The following BARX1 variants were observed in gnomAD, a reference collection of about 807,000 sequenced individuals.
BARX1 encodes homeobox protein BarH-like 1.
In BARX1, 10 loss-of-function variants were observed where a neutral mutation model predicts 19.6. That is an observed-to-expected ratio of 0.51 (90% CI 0.31 to 0.86). BARX1 has a LOEUF of 0.86. BARX1 is among the 40% of genes least tolerant of loss of function. The pLI is 0.04. For missense variants in BARX1, 309 were observed against 360.4 expected, an observed-to-expected ratio of 0.86 and a Z score of 1.15; for synonymous variants, 177 against 170.0, an observed-to-expected ratio of 1.04 and a Z score of -0.32.
Position 93,954,939 on chromosome 9 carries a change from A to G in BARX1, c.208T>C (p.Phe70Leu). 7.4e-7 allele frequency: 1 copy of G among 1,343,836 alleles called. No individual in the cohort carries two copies. Among genetic ancestry groups the G allele is most frequent in the Admixed American group, 3.8e-5 (1 of 26,274 alleles). 83.2% of individuals were successfully genotyped at this position (1,343,836 alleles called of 1,614,324 possible). ...GVQALLAARP[F>L]HSHLAVLKAE... is the part of the protein sequence containing the mutation. ...CCACACGTACCCAGGTGGCTGTGGA[A>G]GGGCCGCGCCGCCAGCAGCGCCTGC... The change falls in exon 1 of 4, where the codon TTC becomes CTC. Residue 70 changes from phenylalanine to leucine, a missense_variant. This residue lies in a region of BARX1 where 204 missense variants were observed against 206.8 expected (regional missense o/e 0.99). Coordinates refer to ENST00000253968, the MANE Select transcript of BARX1 (RefSeq NM_021570.4).
chr9:93,952,889 GC>G lies in BARX1; in HGVS notation c.515+6del. Reference sequence around the variant, plus strand: ...AGCCCGCTGGCCCCAGCCTTGTACCGCCCTACCTGTCCGGCGTGGAAAGGTA... The same window carrying G: ...AGCCCGCTGGCCCCAGCCTTGTACCGCCTACCTGTCCGGCGTGGAAAGGTA... On this transcript the variant is annotated splice_donor_region_variant and intron_variant, in intron 2 of 3. Transcript: ENST00000253968. 6.2e-7 allele frequency: 1 copy of G among 1,606,984 alleles called. No homozygotes were observed. The highest frequency in any genetic ancestry group is 8.5e-7 in the Non-Finnish European group (1 of 1,176,480).
chr9:93,954,362 C>A (rs73519470), intron 1 of BARX1, among the ~76,000 whole-genome samples: 3,162 of 152,364 alleles, frequency 0.021, 104 homozygotes, highest in African/African-American at 0.071. Context: ...CACAGTCAGG[C>A]CTCTGGCCCC....
At position 93,953,012 on chromosome 9, in the gene BARX1, C is replaced by T. The variant is rs756513295; in HGVS notation, c.399G>A (p.Gly133=). ...CCTTCTTGGCTTTGGTGCCTGGCTC[C>T]CCAGGGCCTGCCGCCTCCAGCTTCC... The part of the protein sequence containing the change: ...LRGKLEAAGP[G]EPGTKAKKGR... The change falls in exon 2 of 4, where the codon GGG becomes GGA. Residue 133 remains glycine, a synonymous_variant. Transcript: ENST00000253968. 2 of 1,574,036 alleles carry T rather than the reference C, an allele frequency of 1.3e-6. No individual in the cohort carries two copies. Among genetic ancestry groups the T allele is most frequent in the African/African-American group, 1.4e-5 (1 of 73,904 alleles).
intron 1 of BARX1, among the ~76,000 whole-genome samples, chr9:93,953,820 A>G (rs955645730): frequency 6.6e-6 from 1 of 152,220 alleles, no homozygotes; most frequent in African/African-American, 2.4e-5. Context: ...GCTTCAAACG[A>G]ATTAGTAGCA....
chr9:93,952,620 A>T, intron 3 of BARX1, 109 bp downstream of exon 3: 1 of 1,239,370 alleles, frequency 8.1e-7, no homozygotes, highest in Non-Finnish European at 1.2e-6. Flanking sequence ...CACCGAGGGA[A>T]TCGGGGGGTT....
rs779009265 is a variant in BARX1 at position 93,952,155 on chromosome 9, A to G, written c.*9T>C. ...GCGGGCATCCCAGGCCCCGCACCGT[A>G]TACCGCCCTCAGTCCTCGCGGCTCC... On this transcript the variant is annotated 3_prime_UTR_variant, in exon 4 of 4. Coordinates refer to ENST00000253968, the MANE Select transcript of BARX1 (RefSeq NM_021570.4). 27 of 1,604,696 alleles carry G rather than the reference A, an allele frequency of 1.7e-5. No individual in the cohort carries two copies. The African/African-American group carries it at 2.7e-4, about 16-fold the overall frequency.
chr9:93,953,337 G>A (rs1829124946), intron 1 of BARX1, 150 bp from the exon 2 acceptor site: 3 of 874,436 alleles, frequency 3.4e-6, no homozygotes, highest in Non-Finnish European at 5.0e-6. Flanking sequence ...CGCCGGTGGC[G>A]CAGATGGAGA....
chr9:93,952,064 G>A lies in BARX1; in HGVS notation c.*100C>T. On this transcript the variant is annotated 3_prime_UTR_variant, in exon 4 of 4. Transcript: ENST00000253968. Reference sequence around the variant, plus strand: ...AGATCATAATAAAAAGGCTTAGGAAGTAAACTTCTTGGACGCGGAAGGGCC... The same window carrying A: ...AGATCATAATAAAAAGGCTTAGGAAATAAACTTCTTGGACGCGGAAGGGCC... 7.0e-7 allele frequency: 1 copy of A among 1,430,648 alleles called. No individual in the cohort carries two copies. Among genetic ancestry groups the A allele is most frequent in the Non-Finnish European group, 9.4e-7 (1 of 1,068,406 alleles). The allele number at this position is 1,430,648 out of a possible 1,614,324, so 88.6% of individuals were successfully genotyped here.
In BARX1 at chr9:93,952,090, G is replaced by C. The variant is rs1192497688; in HGVS notation, c.*74C>G. The C allele has an allele frequency of 1.3e-6, 2 of 1,527,060 alleles. No homozygotes were observed. The highest frequency in any genetic ancestry group is 2.4e-5 in the East Asian group (1 of 41,462). The allele number at this position is 1,527,060 out of a possible 1,614,324, so 94.6% of individuals were successfully genotyped here. A position where few individuals can be genotyped will look rare whatever the true frequency, so the allele number is the denominator to read the frequency against. On this transcript the variant is annotated 3_prime_UTR_variant, in exon 4 of 4. Coordinates refer to ENST00000253968, the MANE Select transcript of BARX1 (RefSeq NM_021570.4). ...TAAACTTCTTGGACGCGGAAGGGCC[G>C]GCTCGCGGGTTTCCGCCGAGTGAGG...
intron 1 of BARX1, among the ~76,000 whole-genome samples, chr9:93,954,483 G>T (rs1188348419): frequency 6.6e-6 from 1 of 152,198 alleles, no homozygotes; most frequent in Non-Finnish European, 1.5e-5. Context: ...CAGCCCTCGG[G>T]AGCGCAGGCC....
chr9:93,952,070 T>G lies in BARX1; in HGVS notation c.*94A>C. ...TAATAAAAAGGCTTAGGAAGTAAAC[T>G]TCTTGGACGCGGAAGGGCCGGCTCG... is the stretch of plus-strand genomic sequence containing the variant. On this transcript the variant is annotated 3_prime_UTR_variant, in exon 4 of 4. Transcript: ENST00000253968. 1 of 1,464,910 alleles carries G rather than the reference T, an allele frequency of 6.8e-7. No individual in the cohort carries two copies. The allele number at this position is 1,464,910 out of a possible 1,614,324, so 90.7% of individuals were successfully genotyped here. A position where few individuals can be genotyped will look rare whatever the true frequency, so the allele number is the denominator to read the frequency against.
intron 1 of BARX1, 142 bp from the exon 2 acceptor site, chr9:93,953,329 C>T: frequency 1.0e-6 from 1 of 1,004,054 alleles, no homozygotes; most frequent in South Asian, 1.9e-5. Context: ...CCGGTCGGCG[C>T]CGGTGGCGCA....
chr9:93,952,889 G>T lies in BARX1; in HGVS notation c.515+7C>A, dbSNP rs1236575644. 1 of 1,606,984 alleles carries T rather than the reference G, an allele frequency of 6.2e-7. No individual in the cohort carries two copies. The highest frequency in any genetic ancestry group is 2.2e-5 in the East Asian group (1 of 44,648). On this transcript the variant is annotated splice_region_variant and intron_variant, in intron 2 of 3. Coordinates refer to ENST00000253968, the MANE Select transcript of BARX1 (RefSeq NM_021570.4). Reference sequence around the variant, plus strand: ...AGCCCGCTGGCCCCAGCCTTGTACCGCCCTACCTGTCCGGCGTGGAAAGGT... The same window carrying T: ...AGCCCGCTGGCCCCAGCCTTGTACCTCCCTACCTGTCCGGCGTGGAAAGGT...
Position 93,952,933 on chromosome 9 carries a change from G to GT in BARX1, c.477dup (p.Arg160ThrfsTer18). On this transcript the variant is annotated frameshift_variant, in exon 2 of 4. Transcript: ENST00000253968. LOFTEE classifies it high-confidence loss of function. ...GAAAGGTACTTCTGCTTCTCGAAGCGTTTCTCCAGGCCCATCAGCTGCAGC... is the reference window on the plus strand; with the variant it reads ...GAAAGGTACTTCTGCTTCTCGAAGCGTTTTCTCCAGGCCCATCAGCTGCAGC... The GT allele has an allele frequency of 6.3e-7, 1 of 1,578,676 alleles. No homozygotes were observed. The highest frequency in any genetic ancestry group is 8.6e-7 in the Non-Finnish European group (1 of 1,162,108).
intron 1 of BARX1, chr9:93,953,441 C>T: frequency 2.2e-6 from 1 of 462,978 alleles, no homozygotes; most frequent in Non-Finnish European, 3.7e-6. Context: ...CCTCAGCTGC[C>T]TCTGAGATCT....
At chr9:93,954,848 G>C (rs1829142491) in intron 1 of BARX1, 76 bp downstream of exon 1, 1 of 1,076,078 alleles carries the variant, frequency 9.3e-7, no homozygotes, top group Non-Finnish European at 1.2e-6. Flanking sequence ...GCCGGAGGAG[G>C]CTCGGGGCGC....
chr9:93,953,174 G>T lies in BARX1; in HGVS notation c.237C>A (p.Ala79=). The T allele has an allele frequency of 6.6e-7, 1 of 1,518,618 alleles. No homozygotes were observed. Among genetic ancestry groups the T allele is most frequent in the Non-Finnish European group, 8.7e-7 (1 of 1,143,158 alleles). The allele number at this position is 1,518,618 out of a possible 1,614,324, so 94.1% of individuals were successfully genotyped here. A position where few individuals can be genotyped will look rare whatever the true frequency, so the allele number is the denominator to read the frequency against. The stretch of plus-strand genomic sequence containing the variant: ...GGAACTTGAACACCGCCGCCTGCTC[G>T]GCCTTCAGCACGGCTGCGAAGAAAG... ...PFHSHLAVLK[A]EQAAVFKFPL... is the part of the protein sequence containing the mutation. Residue 79 remains alanine (A), a synonymous_variant, in exon 2 of 4, where the codon GCC becomes GCA. Transcript: ENST00000253968.
intron 1 of BARX1, among the ~76,000 whole-genome samples, chr9:93,953,893 G>A (rs1446220615): frequency 6.6e-6 from 1 of 152,208 alleles, no homozygotes; most frequent in African/African-American, 2.4e-5. Flanking sequence ...TAGAAGGAGC[G>A]CGCTGGCCCT....
intron 3 of BARX1, 32 bp downstream of exon 3, chr9:93,952,697 C>G: frequency 6.2e-7 from 1 of 1,604,416 alleles, no homozygotes; most frequent in Non-Finnish European, 8.5e-7. Flanking sequence ...GCCCAGGAAG[C>G]TGAGGGGTGG....
Sources: gnomAD v4.1 joint callset for allele counts (sites outside exome capture counted in the v4.1 genomes callset) on GRCh38, gnomAD v4.1.1 for gene constraint, gnomAD v4.1.1 regional missense constraint, MANE v1.5 for transcripts, NCBI Gene and HGNC (gene_info 2026-07-23, HGNC 2026-07-21) for gene names.